PHF10: variants seen among roughly 807,000 people sequenced by gnomAD.
The protein encoded by PHF10 is BRG1-associated factor 45a.
In PHF10, 51 loss-of-function variants were observed where a neutral mutation model predicts 68.5. The observed-to-expected ratio is 0.74, with a 90% confidence interval of 0.59 to 0.94. PHF10 has a LOEUF of 0.94. PHF10 is among the 40% of genes least tolerant of loss of function. The probability of loss-of-function intolerance (pLI) is 0.00; values close to 1 mark genes in which losing one functional copy is unlikely to be tolerated. For synonymous variants in PHF10, 204 were observed against 203.5 expected (o/e 1.00, Z -0.02); for missense variants, 460 against 602.6 (o/e 0.76, Z 2.48).
At chr6:169,713,268 T>A (rs1283188175) in intron 7 of PHF10, among the ~76,000 whole-genome samples, 3 of 152,180 alleles carry the variant, frequency 2.0e-5, no homozygotes, top group Non-Finnish European at 4.4e-5. Flanking sequence ...TACTTGCATA[T>A]GACTTTTAAT....
intron 9 of PHF10, among the ~76,000 whole-genome samples, chr6:169,706,046 G>A (rs925592645): frequency 2.6e-5 from 4 of 152,168 alleles, no homozygotes; most frequent in Admixed American, 2.6e-4. Flanking sequence ...CTATTAATTG[G>A]ACAAGAAAAT....
chr6:169,714,652 A>T, intron 7 of PHF10, 81 bp downstream of exon 7: 1 of 759,964 alleles, frequency 1.3e-6, no homozygotes, highest in South Asian at 1.5e-5. Context: ...TAGACCCCAA[A>T]ATTGTTAGGA....
At chr6:169,717,282 G>A (rs753758447) in intron 4 of PHF10, among the ~76,000 whole-genome samples, 1 of 152,146 alleles carries the variant, frequency 6.6e-6, no homozygotes, top group Non-Finnish European at 1.5e-5. Flanking sequence ...ATTATACTCT[G>A]TTATAGAATA....
At chr6:169,716,181 C>T (rs575024229) in intron 4 of PHF10, 93 bp from the exon 5 acceptor site, 2 of 731,200 alleles carry the variant, frequency 2.7e-6, no homozygotes, top group African/African-American at 1.8e-5. Flanking sequence ...CAAACCGCTC[C>T]ACGTTGTAAT....
intron 3 of PHF10, 63 bp from the exon 4 acceptor site, chr6:169,717,969 T>A: frequency 2.9e-6 from 2 of 694,390 alleles, no homozygotes; most frequent in Non-Finnish European, 4.8e-6. Context: ...GTAAAACTTT[T>A]AAAAGCTTAA....
chr6:169,709,337 A>G (rs1239420820), intron 9 of PHF10: 1 of 152,314 alleles, frequency 6.6e-6, no homozygotes, highest in Non-Finnish European at 1.5e-5. Flanking sequence ...TTTTCCTTCA[A>G]TACACCTTCA....
rs1381702751 is a variant in PHF10, at chr6:169,724,161, G to A, written c.-230C>T. The A allele has an allele frequency of 7.6e-5, 11 of 145,664 alleles. No individual in the cohort carries two copies. The highest frequency in any genetic ancestry group is 2.0e-4 in the East Asian group (1 of 4,888). 9.0% of individuals were successfully genotyped at this position (145,664 alleles called of 1,614,324 possible). On this transcript the variant is annotated 5_prime_UTR_variant, in exon 1 of 12. Coordinates refer to ENST00000339209, the MANE Select transcript of PHF10 (RefSeq NM_018288.4). ...CGCCAGCGCGCCGCCCGCGCGGGAGGGCGCCAAAGGCTGGGAGGGCGCGGG... is the reference window on the plus strand; with the variant it reads ...CGCCAGCGCGCCGCCCGCGCGGGAGAGCGCCAAAGGCTGGGAGGGCGCGGG...
At chr6:169,714,688 C>T (rs1789003966) in intron 7 of PHF10, 45 bp downstream of exon 7, 2 of 965,276 alleles carry the variant, frequency 2.1e-6, no homozygotes, top group African/African-American at 3.2e-5. Context: ...CTCTGAAACC[C>T]CTTACCAATA....
At chr6:169,716,623 G>A (rs896434617) in intron 4 of PHF10, among the ~76,000 whole-genome samples, 1 of 151,978 alleles carries the variant, frequency 6.6e-6, no homozygotes, top group Admixed American at 6.6e-5. Context: ...ATAAAAAGTA[G>A]CCATGTTGCA....
Position 169,712,391 on chromosome 6 carries a change from T to C in PHF10, c.952A>G (p.Thr318Ala). ...CTAGAGAGAAATGTTCTCACCGAAGTGCCTTTATTTTTCCGTTTCTCATCA... is the reference window on the plus strand; with the variant it reads ...CTAGAGAGAAATGTTCTCACCGAAGCGCCTTTATTTTTCCGTTTCTCATCA... ...RGDEKRKNKG[T>A]SDSSSGNVSE... The change falls in exon 8 of 12, where the codon ACT becomes GCT. Residue 318 changes from threonine to alanine, a missense_variant. Around this residue, in one of 3 missense-constraint regions of PHF10, gnomAD observed 256 missense variants for 410.5 expected, o/e 0.62. Coordinates refer to ENST00000339209, the MANE Select transcript of PHF10 (RefSeq NM_018288.4). 2 of 1,613,556 alleles carry C rather than the reference T, an allele frequency of 1.2e-6. No homozygotes were observed. Among genetic ancestry groups the C allele is most frequent in the South Asian group, 2.2e-5 (2 of 91,060 alleles).
chr6:169,708,464 C>A (rs1788856400), intron 9 of PHF10: 1 of 152,006 alleles, frequency 6.6e-6, no homozygotes, highest in South Asian at 2.1e-4. Flanking sequence ...TATTTAGGCA[C>A]ATCTTGGTTT....
Position 169,713,434 on chromosome 6 carries a change from A to T in PHF10, c.804-895T>A, listed in dbSNP as rs146170321. Reference sequence around the variant, plus strand: ...GCCAACATGGTGAAACCCCGTCTCTACTAAATATACAGAAAATTAGCTGGG... The same window carrying T: ...GCCAACATGGTGAAACCCCGTCTCTTCTAAATATACAGAAAATTAGCTGGG... On this transcript the variant is annotated intron_variant, in intron 7 of 11. Transcript: ENST00000339209. Among the ~76,000 whole-genome samples the T allele has an allele frequency of 6.6e-3, 1,010 of 152,078 alleles. 20 individuals carry two copies. The highest frequency in any genetic ancestry group is 0.024 in the African/African-American group (980 of 41,508).
chr6:169,720,762 A>T (rs1789157080), intron 2 of PHF10, among the ~76,000 whole-genome samples: 1 of 152,234 alleles, frequency 6.6e-6, no homozygotes, highest in Admixed American at 6.5e-5. Flanking sequence ...GATGCCAATG[A>T]ATTTCACACT....
chr6:169,714,057 G>A (rs1431899481), intron 7 of PHF10, among the ~76,000 whole-genome samples: 1 of 151,836 alleles, frequency 6.6e-6, no homozygotes, highest in African/African-American at 2.4e-5. Flanking sequence ...GGAGGCAGAG[G>A]TTGCAGTGAG....
In PHF10 at chr6:169,723,855, T is replaced by A; in HGVS notation, c.77A>T (p.Gln26Leu). The A allele has an allele frequency of 2.8e-6, 3 of 1,084,674 alleles. No individual in the cohort carries two copies. Among genetic ancestry groups the A allele is most frequent in the Non-Finnish European group, 3.4e-6 (3 of 883,842 alleles). The allele number at this position is 1,084,674 out of a possible 1,614,324, so 67.2% of individuals were successfully genotyped here. A position where few individuals can be genotyped will look rare whatever the true frequency, so the allele number is the denominator to read the frequency against. ...CGGCCGCTTCCTCACCTTCGGGGAC[T>A]GCGCTCCGGGGGTGGCTGGGTCGCT... ...CDSDPATPGA[Q>L]SPKDDNEDNS... Residue 26 changes from glutamine (Q) to leucine (L), a missense_variant, in exon 1 of 12, where the codon CAG becomes CTG. This residue lies in a region of PHF10 where 93 missense variants were observed against 82.4 expected (regional missense o/e 1.13). Transcript: ENST00000339209.
chr6:169,718,032 G>A (rs1789092096), intron 3 of PHF10, 126 bp from the exon 4 acceptor site: 16 of 465,196 alleles, frequency 3.4e-5, no homozygotes, highest in South Asian at 1.5e-4. Context: ...ATTATTAAAG[G>A]GGCTACAAAA....
intron 11 of PHF10, chr6:169,704,339 T>C (rs1161542749): frequency 4.7e-6 from 2 of 421,706 alleles, no homozygotes; most frequent in Non-Finnish European, 8.6e-6. Flanking sequence ...ATACGGACCT[T>C]TAAGAAAGTA....
Position 169,721,069 on chromosome 6 carries a change from T to C in PHF10, c.130A>G (p.Lys44Glu). The change falls in exon 2 of 12, where the codon AAA becomes GAA. Residue 44 changes from lysine to glutamate, a missense_variant. Physicochemically the swap from Lys to Glu is moderately conservative, Grantham distance 56. Transcript: ENST00000339209. ...DNSNDGTQPS[K>E]RRRMGSGDSS... ...TCTCCTGAGCCCATTCGCCTCCTTT[T>C]GGATGGCTGGGTCCCATCATTTGAA... is the stretch of plus-strand genomic sequence containing the variant. 6.5e-7 allele frequency: 1 copy of C among 1,546,974 alleles called. No homozygotes were observed. Among genetic ancestry groups the C allele is most frequent in the Non-Finnish European group, 8.7e-7 (1 of 1,144,406 alleles).
Position 169,704,086 on chromosome 6 carries a change from G to A in PHF10, c.1414C>T (p.Arg472Cys), listed in dbSNP as rs762076000. 1.5e-5 allele frequency: 23 copies of A among 1,573,262 alleles called. No homozygotes were observed. Among genetic ancestry groups the A allele is most frequent in the East Asian group, 1.4e-4 (6 of 43,798 alleles). ...CGCTGACAACAGTCACAAATCCAGC[G>A]ACCTAGGAAAAAAATTGTTAATATA... Reference protein sequence around the residue: ...CVGLGAIPSGRWICDCCQRAP... With the variant: ...CVGLGAIPSGCWICDCCQRAP... The change falls in exon 12 of 12, where the codon CGC (arginine) becomes TGC (cysteine). Residue 472 changes from arginine (R) to cysteine (C), a missense_variant and splice_region_variant. Arg to Cys is a radical substitution (Grantham distance 180). Transcript: ENST00000339209.
Sources: gnomAD v4.1 joint callset for allele counts (sites outside exome capture counted in the v4.1 genomes callset) on GRCh38, gnomAD v4.1.1 for gene constraint, gnomAD v4.1.1 regional missense constraint, MANE v1.5 for transcripts, NCBI Gene and HGNC (gene_info 2026-07-23, HGNC 2026-07-21) for gene names.